The following DMD variants were observed in gnomAD, a reference collection of about 807,000 sequenced individuals.
The protein encoded by DMD is dystrophin.
A neutral mutation model predicts 330.1 loss-of-function variants in DMD; 63 were observed. The observed-to-expected ratio is 0.19, with a 90% CI of 0.16 to 0.24. The LOEUF (loss-of-function observed/expected upper bound fraction) is 0.24, where lower values mean the gene tolerates loss of function less well. Ranked by LOEUF, DMD falls within the 10% of genes least tolerant of loss-of-function variation. The probability of loss-of-function intolerance (pLI) is 1.00; values close to 1 mark genes in which losing one functional copy is unlikely to be tolerated. For synonymous variants in DMD, 1,223 were observed against 959.8 expected, an observed-to-expected ratio of 1.27 and a Z score of -5.07; for missense variants, 3,344 against 2,684.1, an observed-to-expected ratio of 1.25 and a Z score of -5.43.
intron 11 of DMD, among the ~76,000 whole-genome samples, chrX:32,620,167 A>G (rs2057884289): frequency 8.9e-6 from 1 of 111,970 alleles, no homozygotes. Context: ...AATTAGTATA[A>G]GTGTATTTAA....
intron 21 of DMD, 35 bp from the exon 22 acceptor site, chrX:32,472,344 T>G (rs2040746770): frequency 8.4e-7 from 1 of 1,195,775 alleles, no homozygotes; most frequent in Admixed American, 2.2e-5. Context: ...GAGAATCACT[T>G]AATTGTTTCA....
At chrX:32,736,352 G>C (rs2068482712) in intron 7 of DMD, among the ~76,000 whole-genome samples, 1 of 111,746 alleles carries the variant, frequency 8.9e-6, no homozygotes, top group East Asian at 2.8e-4. Flanking sequence ...GTGGAAGTCA[G>C]TGTGGCCATT....
chrX:31,267,918 A>T (rs189204110), intron 62 of DMD, among the ~76,000 whole-genome samples: 33 of 112,659 alleles, frequency 2.9e-4, no homozygotes, highest in Admixed American at 2.0e-3. Flanking sequence ...ACTGTTAGTG[A>T]TATTTTCACT....
At chrX:32,777,902 C>T (rs1248157155) in intron 7 of DMD, among the ~76,000 whole-genome samples, 1 of 112,220 alleles carries the variant, frequency 8.9e-6, no homozygotes, top group East Asian at 2.8e-4. Context: ...CAGCAGTGTG[C>T]GCACGTCCAT....
chrX:31,851,964 G>A (rs2093534071), intron 48 of DMD, among the ~76,000 whole-genome samples: 1 of 110,831 alleles, frequency 9.0e-6, no homozygotes, highest in Admixed American at 9.7e-5. Context: ...GACAGCAAGT[G>A]CAAAGGCCCT....
At chrX:31,486,384 T>G (rs1021190469) in intron 57 of DMD, among the ~76,000 whole-genome samples, 1 of 112,299 alleles carries the variant, frequency 8.9e-6, no homozygotes, top group African/African-American at 3.2e-5. Flanking sequence ...AAATTAATGC[T>G]GTAAATTGGG....
Position 32,647,178 on chromosome X carries a change from T to C in DMD, c.961-2026A>G, listed in dbSNP as rs527393406. On this transcript the variant is annotated intron_variant, in intron 9 of 78. Coordinates refer to ENST00000357033, the MANE Select transcript of DMD (RefSeq NM_004006.3). The stretch of plus-strand genomic sequence containing the variant: ...ATTATCTGCTGATACTATCCTGAAA[T>C]TGTAAATAATTTTATTTTTGAATTT... Among the ~76,000 whole-genome samples, 26 of 111,445 alleles carry C rather than the reference T, an allele frequency of 2.3e-4. No individual in the cohort carries two copies. The South Asian group carries it at 9.5e-3, about 41-fold the overall frequency.
intron 43 of DMD, among the ~76,000 whole-genome samples, chrX:32,247,934 C>G (rs2097247761): frequency 9.0e-6 from 1 of 111,262 alleles, no homozygotes; most frequent in Non-Finnish European, 1.9e-5. Flanking sequence ...GTGTGGATGT[C>G]AAGGATAAAT....
At chrX:33,096,552 C>A (rs1421005718) in intron 1 of DMD, among the ~76,000 whole-genome samples, 3 of 104,276 alleles carry the variant, frequency 2.9e-5, no homozygotes, top group Non-Finnish European at 3.9e-5. Flanking sequence ...GTCACCCAGG[C>A]TGGAGTGCAA....
intron 2 of DMD, among the ~76,000 whole-genome samples, chrX:32,976,528 C>G (rs1217294653): frequency 8.9e-6 from 1 of 111,773 alleles, no homozygotes; most frequent in Non-Finnish European, 1.9e-5. Flanking sequence ...AAGAATGAAA[C>G]TATCCCACAA....
chrX:32,565,930 C>G (rs768235167), intron 15 of DMD, 49 bp from the exon 16 acceptor site: 5 of 1,076,544 alleles, frequency 4.6e-6, no homozygotes, highest in Non-Finnish European at 5.1e-6. Context: ...GCATTCCATA[C>G]ACCACTATAG....
At position 31,897,926 on chromosome X, in the gene DMD, A is replaced by G. The variant is rs1288207651; in HGVS notation, c.6913-22553T>C. Among the ~76,000 whole-genome samples, 28 of 110,467 alleles carry G rather than the reference A, an allele frequency of 2.5e-4. No individual in the cohort carries two copies. In the South Asian group the frequency reaches 3.1e-3, roughly 12 times the overall value. ...TTGCTGTGCAGAAGCTCCTTAGTTT[A>G]ATTAGATCCCATTTGTCAATTTTGG... On this transcript the variant is annotated intron_variant, in intron 47 of 78. Coordinates refer to ENST00000357033, the MANE Select transcript of DMD (RefSeq NM_004006.3).
chrX:31,397,941 G>T, intron 60 of DMD, among the ~76,000 whole-genome samples: 1 of 112,599 alleles, frequency 8.9e-6, no homozygotes, highest in South Asian at 3.7e-4. Context: ...CATGAACAAA[G>T]TAACGGGTAA....
intron 27 of DMD, among the ~76,000 whole-genome samples, chrX:32,444,682 C>T (rs1409872029): frequency 9.0e-6 from 1 of 110,986 alleles, no homozygotes; most frequent in African/African-American, 3.3e-5. Context: ...GAGATCATCT[C>T]TTTCTTGTTT....
intron 62 of DMD, among the ~76,000 whole-genome samples, chrX:31,282,713 T>C (rs1271359435): frequency 9.0e-6 from 1 of 111,588 alleles, no homozygotes; most frequent in Non-Finnish European, 1.9e-5. Flanking sequence ...AGAACATTTC[T>C]CATCTTTGTA....
chrX:31,312,149 T>A (rs1294479497), intron 62 of DMD, among the ~76,000 whole-genome samples: 1 of 112,024 alleles, frequency 8.9e-6, no homozygotes, highest in Non-Finnish European at 1.9e-5. Flanking sequence ...CAAAAGAAAC[T>A]ATCATCAAAG....
At chrX:32,716,733 T>C (rs1292895679) in intron 7 of DMD, among the ~76,000 whole-genome samples, 1 of 110,831 alleles carries the variant, frequency 9.0e-6, no homozygotes, top group Non-Finnish European at 1.9e-5. Flanking sequence ...AATGCTGATA[T>C]TGATATGGAC....
At position 31,492,218 on chromosome X, in the gene DMD, A is replaced by G. The variant is rs183990225; in HGVS notation, c.8547+4570T>C. ...AAGTAAAACAAAAGTCCACAAATAT[A>G]AGATCTGTCAACTATTAGATCTTGA... On this transcript the variant is annotated intron_variant, in intron 57 of 78. Coordinates refer to ENST00000357033, the MANE Select transcript of DMD (RefSeq NM_004006.3). Among the ~76,000 whole-genome samples the G allele has an allele frequency of 5.1e-4, 57 of 112,625 alleles. 2 individuals are homozygous for G. Among genetic ancestry groups the G allele is most frequent in the Admixed American group, 4.9e-3 (52 of 10,654 alleles).
intron 51 of DMD, among the ~76,000 whole-genome samples, chrX:31,744,318 C>G (rs1045949172): frequency 9.0e-6 from 1 of 111,448 alleles, no homozygotes; most frequent in Non-Finnish European, 1.9e-5. Context: ...GACACAGAGA[C>G]GTAAAGCGAG....
Sources: gnomAD v4.1 joint callset for allele counts (sites outside exome capture counted in the v4.1 genomes callset) on GRCh38, gnomAD v4.1.1 for gene constraint, MANE v1.5 for transcripts, NCBI Gene and HGNC (gene_info 2026-07-23, HGNC 2026-07-21) for gene names.